The following CTNNBL1 variants were observed in gnomAD, a reference collection of about 807,000 sequenced individuals.
CTNNBL1 encodes the protein beta-catenin-like protein 1.
In CTNNBL1, 31 loss-of-function variants were observed where a neutral mutation model predicts 72.7. The observed-to-expected ratio is 0.43, with a 90% CI of 0.32 to 0.58. The LOEUF (loss-of-function observed/expected upper bound fraction) is 0.58, where lower values mean the gene tolerates loss of function less well. Ranked by LOEUF, CTNNBL1 falls within the 20% of genes least tolerant of loss-of-function variation. The probability of loss-of-function intolerance (pLI) is 0.08; values close to 1 mark genes in which losing one functional copy is unlikely to be tolerated. For synonymous variants in CTNNBL1, 240 were observed against 267.3 expected (o/e 0.90, Z 1.00); for missense variants, 534 against 725.1 (o/e 0.74, Z 3.03).
chr20:37,815,405 C>T (rs2072047744), intron 11 of CTNNBL1, among the ~76,000 whole-genome samples: 1 of 151,650 alleles, frequency 6.6e-6, no homozygotes, highest in Non-Finnish European at 1.5e-5. Context: ...GCAACCTCCG[C>T]CTCCTGGGTT....
chr20:37,694,080 G>A lies in CTNNBL1; in HGVS notation c.-43G>A. 2 of 1,596,986 alleles carry A rather than the reference G, an allele frequency of 1.3e-6. No individual in the cohort carries two copies. The highest frequency in any genetic ancestry group is 2.3e-5 in the South Asian group (2 of 88,768). On this transcript the variant is annotated 5_prime_UTR_variant, in exon 1 of 16. Transcript: ENST00000361383. ...CCGCGGCTGACGGGCCCGCGGTCTG[G>A]GCGTGAGTGCAGGGAAGTGGAGTAT...
At chr20:37,727,749 G>T (rs1006974239) in intron 1 of CTNNBL1, among the ~76,000 whole-genome samples, 1 of 152,212 alleles carries the variant, frequency 6.6e-6, no homozygotes, top group Non-Finnish European at 1.5e-5. Flanking sequence ...AAGACACAGG[G>T]AGAGCTCAGC....
Position 37,786,853 on chromosome 20 carries a change from C to G in CTNNBL1, c.1031+7518C>G, listed in dbSNP as rs2073679523. Among the ~76,000 whole-genome samples, 5 of 152,076 alleles carry G rather than the reference C, an allele frequency of 3.3e-5. No homozygotes were observed. In the South Asian group the frequency reaches 1.0e-3, roughly 31 times the overall value. On this transcript the variant is annotated intron_variant, in intron 10 of 15. Transcript: ENST00000361383. ...GTGATTAAGTCTTATTTTCCTATTA[C>G]ATTAACAGAAAATAGAGGCTATAAA...
intron 11 of CTNNBL1, among the ~76,000 whole-genome samples, chr20:37,838,107 G>A (rs1004245481): frequency 3.9e-5 from 6 of 152,180 alleles, no homozygotes; most frequent in African/African-American, 7.2e-5. Flanking sequence ...ATAATCTGCC[G>A]CGGAACATTT....
At chr20:37,763,681 G>A (rs967383716) in intron 5 of CTNNBL1, among the ~76,000 whole-genome samples, 8 of 152,088 alleles carry the variant, frequency 5.3e-5, no homozygotes, top group African/African-American at 1.9e-4. Flanking sequence ...GGATGAGATC[G>A]TTTCCTTCTT....
chr20:37,797,232 T>C (rs1172926775), intron 10 of CTNNBL1, among the ~76,000 whole-genome samples: 2 of 152,194 alleles, frequency 1.3e-5, no homozygotes, highest in Non-Finnish European at 2.9e-5. Flanking sequence ...CAGACTCTAA[T>C]GTAAGTGAAC....
rs192104168 is a variant in CTNNBL1, at chr20:37,766,664, G to A, written c.659-1289G>A. ...TGACAGGTGGAGGAGTGGGAGAAGGGCCTTCATGAGGGGAGTATCATTTGC... is the reference window on the plus strand; with the variant it reads ...TGACAGGTGGAGGAGTGGGAGAAGGACCTTCATGAGGGGAGTATCATTTGC... On this transcript the variant is annotated intron_variant, in intron 6 of 15. Transcript: ENST00000361383. Among the ~76,000 whole-genome samples, 505 of 152,280 alleles carry A rather than the reference G, an allele frequency of 3.3e-3. 4 individuals are homozygous for A. The highest frequency in any genetic ancestry group is 0.011 in the African/African-American group (467 of 41,562).
Position 37,767,181 on chromosome 20 carries a change from A to G in CTNNBL1, c.659-772A>G, listed in dbSNP as rs116947015. 5.2e-3 allele frequency among the ~76,000 whole-genome samples: 787 copies of G among 152,262 alleles called. 5 individuals are homozygous for G. Among genetic ancestry groups the G allele is most frequent in the Non-Finnish European group, 7.1e-3 (482 of 68,012 alleles). On this transcript the variant is annotated intron_variant, in intron 6 of 15. Transcript: ENST00000361383. ...AGAAGTGTATCTGTTTCATGCTAGT[A>G]ACATATTCCAGGATACGGATTGGAA...
chr20:37,723,510 CTTT>C (rs570960595), intron 1 of CTNNBL1, among the ~76,000 whole-genome samples: 1 of 151,902 alleles, frequency 6.6e-6, no homozygotes, highest in African/African-American at 2.4e-5. Context: ...CGCTTGATAT[CTTT>C]TTTTTCCTCC....
intron 1 of CTNNBL1, among the ~76,000 whole-genome samples, chr20:37,728,015 A>G (rs140315057): frequency 6.6e-6 from 1 of 152,372 alleles, no homozygotes; most frequent in Non-Finnish European, 1.5e-5. Flanking sequence ...ACGAACAGAC[A>G]GGACTTCAAC....
intron 10 of CTNNBL1, among the ~76,000 whole-genome samples, chr20:37,795,361 C>T (rs2073763925): frequency 6.6e-6 from 1 of 152,048 alleles, no homozygotes; most frequent in Non-Finnish European, 1.5e-5. Context: ...GCCATGTTGC[C>T]CAGTTGGACA....
At chr20:37,801,794 G>C (rs1465734011) in intron 10 of CTNNBL1, among the ~76,000 whole-genome samples, 4 of 152,070 alleles carry the variant, frequency 2.6e-5, no homozygotes, top group Non-Finnish European at 5.9e-5. Context: ...CTAAGACAAG[G>C]ACTAGGATTT....
intron 11 of CTNNBL1, among the ~76,000 whole-genome samples, chr20:37,830,172 A>G (rs1189970418): frequency 6.6e-6 from 1 of 152,030 alleles, no homozygotes; most frequent in Non-Finnish European, 1.5e-5. Context: ...CTGACATGTG[A>G]AAAATTTGTA....
At chr20:37,747,450 T>C (rs987810274) in intron 4 of CTNNBL1, among the ~76,000 whole-genome samples, 1 of 151,848 alleles carries the variant, frequency 6.6e-6, no homozygotes, top group African/African-American at 2.4e-5. Flanking sequence ...TGAGTGCATG[T>C]TGGACCTAAA....
chr20:37,795,160 G>C, intron 10 of CTNNBL1, among the ~76,000 whole-genome samples: 1 of 146,870 alleles, frequency 6.8e-6, no homozygotes, highest in African/African-American at 2.5e-5. Flanking sequence ...TTTGAGACAA[G>C]GTCCCTCTCT....
At chr20:37,820,405 T>A (rs1380465951) in intron 11 of CTNNBL1, among the ~76,000 whole-genome samples, 1 of 152,110 alleles carries the variant, frequency 6.6e-6, no homozygotes, top group Non-Finnish European at 1.5e-5. Flanking sequence ...AACGACAACC[T>A]TCTTCTCCTT....
chr20:37,865,258 G>T (rs1048092767), intron 15 of CTNNBL1, among the ~76,000 whole-genome samples: 6 of 152,176 alleles, frequency 3.9e-5, no homozygotes, highest in Non-Finnish European at 7.4e-5. Flanking sequence ...TGACCATAGC[G>T]CAAAGCAGAA....
intron 10 of CTNNBL1, among the ~76,000 whole-genome samples, chr20:37,799,051 C>T (rs1225256918): frequency 2.6e-5 from 4 of 152,190 alleles, no homozygotes; most frequent in African/African-American, 9.7e-5. Flanking sequence ...CCTTGTTTAC[C>T]TGGCTCCTCA....
chr20:37,851,309 ATCTC>A (rs754519655), intron 13 of CTNNBL1, among the ~76,000 whole-genome samples: 1 of 151,636 alleles, frequency 6.6e-6, no homozygotes, highest in South Asian at 2.1e-4. Flanking sequence ...CTACCAGAGT[ATCTC>A]TCTCTTTTTT....
Sources: allele counts gnomAD v4.1 joint callset (sites outside exome capture counted in the v4.1 genomes callset), GRCh38; gene constraint gnomAD v4.1.1; transcripts MANE v1.5; gene names NCBI Gene and HGNC (gene_info 2026-07-23, HGNC 2026-07-21).